UGT3A1: variants seen among roughly 807,000 people sequenced by gnomAD.
The protein encoded by UGT3A1 is UDP glycosyltransferase family 3 member A1.
Under a neutral mutation model 37.6 loss-of-function variants are expected in UGT3A1, and 40 were observed. The observed-to-expected ratio is 1.06, with a 90% CI of 0.83 to 1.38. The LOEUF is 1.38. UGT3A1 is among the 40% of genes most tolerant of loss of function. The pLI is 0.00. For synonymous variants in UGT3A1, 256 were observed against 232.3 expected, an observed-to-expected ratio of 1.10 and a Z score of -0.93; for missense variants, 642 against 634.2, an observed-to-expected ratio of 1.01 and a Z score of -0.13.
intron 2 of UGT3A1, among the ~76,000 whole-genome samples, chr5:35,987,073 T>C (rs1740757396): frequency 6.6e-6 from 1 of 152,084 alleles, no homozygotes; most frequent in Non-Finnish European, 1.5e-5. Context: ...GTTGGAAAAA[T>C]ACTGCGCGTG....
At chr5:35,956,865 T>C (rs892533262) in intron 5 of UGT3A1, among the ~76,000 whole-genome samples, 2 of 152,132 alleles carry the variant, frequency 1.3e-5, no homozygotes, top group African/African-American at 2.4e-5. Flanking sequence ...TATCTTAGAT[T>C]GTGTTGGGGT....
upstream of UGT3A1, chr5:35,991,468 C>G: frequency 7.3e-7 from 1 of 1,365,076 alleles, no homozygotes; most frequent in Non-Finnish European, 9.4e-7. Flanking sequence ...TATCAAACTA[C>G]CTGAAGTCAG....
rs550882672 is a variant in UGT3A1, at chr5:35,951,333, G to A, written c.*2869C>T. On this transcript the variant is annotated 3_prime_UTR_variant, in exon 7 of 7. Transcript: ENST00000274278. The stretch of plus-strand genomic sequence containing the variant: ...CACTCTGGTTTATTCCCTCTGCACT[G>A]TTTTTGCAAGGCAATGCACATAGAT... 1 of 152,030 alleles carries A rather than the reference G, an allele frequency of 6.6e-6. No individual in the cohort carries two copies. Among genetic ancestry groups the A allele is most frequent in the Admixed American group, 6.5e-5 (1 of 15,278 alleles). The allele number at this position is 152,030 out of a possible 1,614,324, so 9.4% of individuals were successfully genotyped here.
At position 35,954,535 on chromosome 5, in the gene UGT3A1, C is replaced by T; in HGVS notation, c.1296-57G>A. 10 of 1,578,958 alleles carry T rather than the reference C, an allele frequency of 6.3e-6. No homozygotes were observed. The South Asian group carries it at 1.0e-4, about 16-fold the overall frequency. On this transcript the variant is annotated intron_variant, in intron 6 of 6. Coordinates refer to ENST00000274278, the MANE Select transcript of UGT3A1 (RefSeq NM_152404.4). ...GACGTAGCCTCACAAGTCTTACAGA[C>T]TTTGTATTGCATGAGCACACACACA...
intron 6 of UGT3A1, 109 bp downstream of exon 6, chr5:35,955,536 C>G (rs2149947052): frequency 1.6e-6 from 2 of 1,247,824 alleles, no homozygotes; most frequent in East Asian, 4.8e-5. Context: ...ACATGTTATT[C>G]CATGTCACAG....
upstream of UGT3A1, among the ~76,000 whole-genome samples, chr5:35,994,077 A>G (rs1043220249): frequency 6.6e-6 from 1 of 152,130 alleles, no homozygotes; most frequent in African/African-American, 2.4e-5. Context: ...ACTCATTTCC[A>G]TCAAGGAAGG....
chr5:35,963,421 T>C (rs1739670083), intron 4 of UGT3A1, among the ~76,000 whole-genome samples: 1 of 152,110 alleles, frequency 6.6e-6, no homozygotes, highest in Non-Finnish European at 1.5e-5. Context: ...TTGTTTAGAT[T>C]GTCTCAAATG....
chr5:35,984,365 T>C (rs1374559271), intron 2 of UGT3A1, among the ~76,000 whole-genome samples: 1 of 152,240 alleles, frequency 6.6e-6, no homozygotes, highest in African/African-American at 2.4e-5. Context: ...GATACTTAAC[T>C]GTATTGCTCG....
intron 4 of UGT3A1, among the ~76,000 whole-genome samples, chr5:35,959,957 T>C (rs1469997140): frequency 1.3e-5 from 2 of 151,548 alleles, no homozygotes; most frequent in African/African-American, 4.9e-5. Flanking sequence ...AACAATAATA[T>C]CAGAGAGAAT....
Position 35,971,237 on chromosome 5 carries a change from G to T in UGT3A1, c.197-3104C>A, listed in dbSNP as rs1740022713. On this transcript the variant is annotated intron_variant, in intron 2 of 6. Coordinates refer to ENST00000274278, the MANE Select transcript of UGT3A1 (RefSeq NM_152404.4). Reference sequence around the variant, plus strand: ...CACAATCATTCAAGACATACACAGGGTGCGCTTATTCAAGACATATTATAT... The same window carrying T: ...CACAATCATTCAAGACATACACAGGTTGCGCTTATTCAAGACATATTATAT... Among the ~76,000 whole-genome samples, 3 of 152,042 alleles carry T rather than the reference G, an allele frequency of 2.0e-5. No individual in the cohort carries two copies. In the South Asian group the frequency reaches 6.2e-4, roughly 32 times the overall value.
At chr5:35,954,755 C>T in intron 6 of UGT3A1, 1 of 467,502 alleles carries the variant, frequency 2.1e-6, no homozygotes, top group South Asian at 3.2e-5. Context: ...AGTCCATATC[C>T]CTAGGATGCT....
upstream of UGT3A1, among the ~76,000 whole-genome samples, chr5:35,993,765 C>A (rs1741024173): frequency 6.6e-6 from 1 of 152,148 alleles, no homozygotes; most frequent in East Asian, 1.9e-4. Context: ...TCTCATCTCT[C>A]GTGTTTGGTT....
At chr5:35,991,435 C>A, upstream of UGT3A1, 9 of 1,434,556 alleles carry the variant, frequency 6.3e-6, no homozygotes, top group Non-Finnish European at 8.2e-6. Context: ...GTGCATGCTC[C>A]ATGGGATAAT....
chr5:35,957,149 G>A, intron 5 of UGT3A1, 39 bp downstream of exon 5: 1 of 1,574,792 alleles, frequency 6.4e-7, no homozygotes, highest in Non-Finnish European at 8.7e-7. Context: ...CCAAAGGCAG[G>A]TCAATGGAAA....
upstream of UGT3A1, among the ~76,000 whole-genome samples, chr5:35,994,866 T>A (rs1018822049): frequency 3.2e-4 from 48 of 152,276 alleles, no homozygotes; most frequent in Non-Finnish European, 1.2e-4. Context: ...GGATGGGTAT[T>A]GTGGCAAATA....
At chr5:35,985,693 C>G (rs878858264) in intron 2 of UGT3A1, among the ~76,000 whole-genome samples, 2 of 151,992 alleles carry the variant, frequency 1.3e-5, no homozygotes, top group Non-Finnish European at 2.9e-5. Context: ...TCTCACCATA[C>G]AAAAAAATAA....
intron 2 of UGT3A1, among the ~76,000 whole-genome samples, chr5:35,981,460 T>C (rs954734948): frequency 1.3e-5 from 2 of 152,196 alleles, no homozygotes; most frequent in African/African-American, 4.8e-5. Flanking sequence ...AAGGTCACTC[T>C]TTCTATGCTT....
chr5:35,975,031 AAT>A (rs1740206212), intron 2 of UGT3A1, among the ~76,000 whole-genome samples: 1 of 152,190 alleles, frequency 6.6e-6, no homozygotes. Context: ...GCAAAACATA[AAT>A]ATATTTGTGT....
At position 35,959,661 on chromosome 5, in the gene UGT3A1, A is replaced by T. The variant is rs551673711; in HGVS notation, c.844-2242T>A. 1.3e-3 allele frequency among the ~76,000 whole-genome samples: 201 copies of T among 152,294 alleles called. 1 individual carries two copies. The highest frequency in any genetic ancestry group is 2.1e-3 in the Non-Finnish European group (144 of 68,022). ...AGAAAAAGAAAAAAAGAATGAACAA[A>T]ATGTAAGGGACAATAGGACATTATC... On this transcript the variant is annotated intron_variant, in intron 4 of 6. Transcript: ENST00000274278.
Sources: allele counts gnomAD v4.1 joint callset (sites outside exome capture counted in the v4.1 genomes callset), GRCh38; gene constraint gnomAD v4.1.1; transcripts MANE v1.5; gene names NCBI Gene and HGNC (gene_info 2026-07-23, HGNC 2026-07-21).